The following IL1RAPL2 variants were observed in gnomAD, a reference collection of about 807,000 sequenced individuals.
The protein encoded by IL1RAPL2 is X-linked interleukin-1 receptor accessory protein-like 2.
IL1RAPL2 carries 3 observed loss-of-function variants against 44.1 expected under a neutral mutation model. That is an observed-to-expected ratio of 0.07 (90% CI 0.03 to 0.18). IL1RAPL2 has a LOEUF of 0.18. IL1RAPL2 is among the 10% of genes least tolerant of loss of function. IL1RAPL2 has a pLI of 1.00. For synonymous variants in IL1RAPL2, 181 were observed against 178.8 expected, an observed-to-expected ratio of 1.01 and a Z score of -0.10; for missense variants, 391 against 496.4, an observed-to-expected ratio of 0.79 and a Z score of 2.02.
chrX:104,816,002 GTTAAAA>G (rs2147621065), intron 2 of IL1RAPL2, among the ~76,000 whole-genome samples: 1 of 111,272 alleles, frequency 9.0e-6, no homozygotes, highest in African/African-American at 3.3e-5. Context: ...TTCCATGCTA[GTTAAAA>G]TTTAAGTTTA....
chrX:104,832,871 T>C (rs777696321), intron 2 of IL1RAPL2, among the ~76,000 whole-genome samples: 44 of 111,547 alleles, frequency 3.9e-4, no homozygotes, highest in Non-Finnish European at 6.8e-4. Flanking sequence ...CAACATCAGT[T>C]GAAAAAAAGT....
intron 2 of IL1RAPL2, among the ~76,000 whole-genome samples, chrX:105,105,346 C>T (rs1440499518): frequency 3.6e-5 from 4 of 111,842 alleles, no homozygotes; most frequent in African/African-American, 9.8e-5. Flanking sequence ...CCTTTATATA[C>T]ATGAGGAGTA....
At chrX:105,738,924 G>A (rs1333404986) in intron 7 of IL1RAPL2, among the ~76,000 whole-genome samples, 1 of 110,630 alleles carries the variant, frequency 9.0e-6, no homozygotes, top group Non-Finnish European at 1.9e-5. Flanking sequence ...AGCAGTGTCT[G>A]GAGAAATCAG....
chrX:105,021,329 C>A (rs892473571), intron 2 of IL1RAPL2, among the ~76,000 whole-genome samples: 2 of 111,151 alleles, frequency 1.8e-5, no homozygotes, highest in Non-Finnish European at 3.8e-5. Flanking sequence ...GAGGAATTGT[C>A]CTACATATTT....
chrX:104,904,372 T>G (rs189908125), intron 2 of IL1RAPL2, among the ~76,000 whole-genome samples: 1 of 108,058 alleles, frequency 9.3e-6, no homozygotes, highest in East Asian at 3.0e-4. Context: ...TACATATGTA[T>G]ACATGTGCCA....
intron 2 of IL1RAPL2, among the ~76,000 whole-genome samples, chrX:104,671,617 T>C (rs755478971): frequency 1.8e-5 from 2 of 111,826 alleles, no homozygotes; most frequent in Non-Finnish European, 3.8e-5. Flanking sequence ...TTTTCCACCA[T>C]ACCTGGGAGC....
At chrX:104,874,462 C>T (rs968024232) in intron 2 of IL1RAPL2, among the ~76,000 whole-genome samples, 1 of 109,807 alleles carries the variant, frequency 9.1e-6, no homozygotes, top group African/African-American at 3.3e-5. Context: ...TGCTCGTCCT[C>T]TACCCACAAT....
chrX:105,296,241 A>G (rs1386242418), intron 5 of IL1RAPL2, among the ~76,000 whole-genome samples: 16 of 109,930 alleles, frequency 1.5e-4, no homozygotes, highest in African/African-American at 4.6e-4. Context: ...GAATATATGC[A>G]TTTTTCACTC....
chrX:105,008,983 C>A (rs1453883541), intron 2 of IL1RAPL2, among the ~76,000 whole-genome samples: 2 of 111,918 alleles, frequency 1.8e-5, no homozygotes, highest in South Asian at 3.7e-4. Context: ...ATGCAGCCAA[C>A]AAACACATGA....
intron 2 of IL1RAPL2, among the ~76,000 whole-genome samples, chrX:105,135,436 C>T (rs2033067911): frequency 8.9e-6 from 1 of 111,813 alleles, no homozygotes; most frequent in Admixed American, 9.5e-5. Context: ...ATCTTTATGC[C>T]ATTCAAGCAT....
chrX:104,717,032 G>A (rs765333230), intron 2 of IL1RAPL2, among the ~76,000 whole-genome samples: 20 of 111,959 alleles, frequency 1.8e-4, no homozygotes, highest in Non-Finnish European at 2.6e-4. Context: ...AAATGCTGAC[G>A]AATGATAGAC....
chrX:105,509,526 A>T (rs1301578871), intron 6 of IL1RAPL2, among the ~76,000 whole-genome samples: 1 of 112,029 alleles, frequency 8.9e-6, no homozygotes, highest in Non-Finnish European at 1.9e-5. Context: ...TTTAAAATTT[A>T]AAAATTATGT....
intron 2 of IL1RAPL2, among the ~76,000 whole-genome samples, chrX:105,117,977 C>G (rs939956950): frequency 2.7e-5 from 3 of 111,701 alleles, no homozygotes; most frequent in African/African-American, 9.9e-5. Context: ...CACTTTCTAC[C>G]TTCCAGAACT....
chrX:104,701,530 GC>G (rs1931272878), intron 2 of IL1RAPL2, among the ~76,000 whole-genome samples: 1 of 111,931 alleles, frequency 8.9e-6, no homozygotes, highest in South Asian at 3.7e-4. Context: ...TGCTCTAAGA[GC>G]TCTGTGTTTA....
chrX:105,314,624 C>T (rs1375693728), intron 5 of IL1RAPL2, among the ~76,000 whole-genome samples: 1 of 111,578 alleles, frequency 9.0e-6, no homozygotes. Flanking sequence ...TATGAAAATA[C>T]ATAAAATATG....
At position 105,484,374 on chromosome X, in the gene IL1RAPL2, A is replaced by G. The variant is rs1456866472; in HGVS notation, c.759A>G (p.Ile253Met). Residue 253 changes from isoleucine (I) to methionine (M), a missense_variant, in exon 6 of 11, where the codon ATA becomes ATG. Ile to Met is a conservative substitution (Grantham distance 10). Transcript: ENST00000372582. The part of the protein sequence containing the change: ...LFPMENQPSV[I>M]DVQLGKPLNI... ...CCATGGAGAATCAGCCAAGTGTTAT[A>G]GATGTCCAGCTGGGTAAGTCCCCTC... 8.4e-7 allele frequency: 1 copy of G among 1,197,329 alleles called. No individual in the cohort carries two copies. Among genetic ancestry groups the G allele is most frequent in the South Asian group, 1.8e-5 (1 of 56,581 alleles).
chrX:105,537,424 C>A (rs1356697397), intron 6 of IL1RAPL2, among the ~76,000 whole-genome samples: 1 of 111,736 alleles, frequency 8.9e-6, no homozygotes, highest in East Asian at 2.8e-4. Context: ...AGGAATGAAA[C>A]ACTACCCAGT....
At chrX:105,188,860 T>G (rs1405152277) in intron 2 of IL1RAPL2, among the ~76,000 whole-genome samples, 2 of 112,230 alleles carry the variant, frequency 1.8e-5, no homozygotes, top group Non-Finnish European at 1.9e-5. Flanking sequence ...TTTTTTCCAC[T>G]GACAGAACTT....
At chrX:104,828,513 A>G (rs1377416168) in intron 2 of IL1RAPL2, among the ~76,000 whole-genome samples, 1 of 111,611 alleles carries the variant, frequency 9.0e-6, no homozygotes. Context: ...TTTGTCCCAG[A>G]GGGGCACCTG....
Sources: allele counts gnomAD v4.1 joint callset (sites outside exome capture counted in the v4.1 genomes callset), GRCh38; gene constraint gnomAD v4.1.1; transcripts MANE v1.5; gene names NCBI Gene and HGNC (gene_info 2026-07-23, HGNC 2026-07-21).